ZNF320: variants seen among roughly 807,000 people sequenced by gnomAD.
ZNF320 encodes the protein zinc finger gene 320.
ZNF320 carries 2 observed loss-of-function variants against 6.8 expected under a neutral mutation model. That is an observed-to-expected ratio of 0.29 (90% CI 0.12 to 0.93). The LOEUF (loss-of-function observed/expected upper bound fraction) is 0.93. Ranked by LOEUF, ZNF320 falls within the 40% of genes least tolerant of loss-of-function variation. The probability of loss-of-function intolerance (pLI) is 0.55; values close to 1 mark genes in which losing one functional copy is unlikely to be tolerated. For missense variants in ZNF320, 472 were observed against 611.0 expected (o/e 0.77, Z 2.40); for synonymous variants, 208 against 203.2 (o/e 1.02, Z -0.20).
Position 52,877,898 on chromosome 19 carries a change from AAAAC to A in ZNF320, c.*2694_*2697del, listed in dbSNP as rs1276569836. The stretch of plus-strand genomic sequence containing the variant: ...TCAGAAGACTCCATCTCAAAAAAAC[AAAAC>A]AAACAAAACAGAATTTAAAATACAG... On this transcript the variant is annotated 3_prime_UTR_variant, in exon 6 of 6. Transcript: ENST00000682928. 1 of 152,064 alleles carries A rather than the reference AAAAC, an allele frequency of 6.6e-6. No individual in the cohort carries two copies. The highest frequency in any genetic ancestry group is 1.9e-4 in the East Asian group (1 of 5,196). 9.4% of individuals were successfully genotyped at this position (152,064 alleles called of 1,614,324 possible). A position where few individuals can be genotyped will look rare whatever the true frequency, so the allele number is the denominator to read the frequency against.
chr19:52,892,693 C>T (rs1220991428), intron 2 of ZNF320, among the ~76,000 whole-genome samples: 5 of 152,102 alleles, frequency 3.3e-5, no homozygotes, highest in South Asian at 4.1e-4. Context: ...AGATTTCCAC[C>T]TCTTCTCCCA....
intron 5 of ZNF320, among the ~76,000 whole-genome samples, chr19:52,884,955 T>C (rs1388628676): frequency 6.6e-6 from 1 of 152,090 alleles, no homozygotes; most frequent in Admixed American, 6.6e-5. Flanking sequence ...CCCAGCATTT[T>C]GGGAGGATGA....
chr19:52,899,075 AATAG>A (rs2064552078), upstream of ZNF320, among the ~76,000 whole-genome samples: 1 of 152,126 alleles, frequency 6.6e-6, no homozygotes, highest in Non-Finnish European at 1.5e-5. Flanking sequence ...CTTTTTGTGT[AATAG>A]ATTGATAGTG....
At chr19:52,865,434 T>TTATTTATATATATATATATA (rs1555814107) in intron 5 of ZNF320, 4 of 152,784 alleles carry the variant, frequency 2.6e-5, no homozygotes, top group African/African-American at 1.3e-4. Context: ...GGTCCAGGCT[T>TTATTTATATATATATATATA]TATATATATA....
At chr19:52,860,058 G>A (rs913458052), downstream of ZNF320, among the ~76,000 whole-genome samples, 4 of 151,784 alleles carry the variant, frequency 2.6e-5, no homozygotes, top group African/African-American at 9.7e-5. Context: ...GACTACAGGC[G>A]CCCGCCACCA....
rs573384644 is a variant in ZNF320, at chr19:52,881,375, C to T, written c.751G>A (p.Gly251Ser). Residue 251 changes from glycine to serine, a missense_variant, in exon 6 of 6, where the codon GGC becomes AGC. By Grantham distance (56) the Gly-to-Ser change is moderately conservative. Transcript: ENST00000682928. Reference protein sequence around the residue: ...GEKPYKCNECGKTFSQTSHLV... With the variant: ...GEKPYKCNECSKTFSQTSHLV... ...TGTGATGTCTGACTAAAGGTCTTGC[C>T]ACACTCATTACACTTATAAGGTTTC... The T allele has an allele frequency of 1.2e-6, 2 of 1,614,000 alleles. No individual in the cohort carries two copies. The highest frequency in any genetic ancestry group is 2.2e-5 in the South Asian group (2 of 91,072).
chr19:52,862,896 T>C (rs776639932), exon 6 of ZNF320: 50 of 285,176 alleles, frequency 1.8e-4, no homozygotes, highest in Non-Finnish European at 3.4e-4. Context: ...TAGCTGGGTA[T>C]GGTGGATTCC....
chr19:52,859,593 A>G (rs1204876353), downstream of ZNF320, among the ~76,000 whole-genome samples: 1 of 152,192 alleles, frequency 6.6e-6, no homozygotes, highest in Non-Finnish European at 1.5e-5. Context: ...TAGAGATGTT[A>G]AGGTTTCACA....
At chr19:52,903,652 A>T in the ZNF320 span, among the ~76,000 whole-genome samples, 4 of 151,460 alleles carry the variant, frequency 2.6e-5, no homozygotes, top group Non-Finnish European at 5.9e-5. Context: ...TCTTTCTTGA[A>T]ATTCTTTAAC....
At chr19:52,859,543 G>A (rs1568688493), downstream of ZNF320, among the ~76,000 whole-genome samples, 1 of 152,164 alleles carries the variant, frequency 6.6e-6, no homozygotes, top group Non-Finnish European at 1.5e-5. Flanking sequence ...TAGCCATCTG[G>A]AAACATCAAC....
At position 52,881,026 on chromosome 19, in the gene ZNF320, C is replaced by T. The variant is rs749299449; in HGVS notation, c.1100G>A (p.Arg367Gln). The T allele has an allele frequency of 8.7e-6, 14 of 1,613,404 alleles. No homozygotes were observed. Among genetic ancestry groups the T allele is most frequent in the Admixed American group, 6.7e-5 (4 of 59,944 alleles). Residue 367 changes from arginine (R) to glutamine (Q), a missense_variant, in exon 6 of 6, where the codon CGG becomes CAG. By Grantham distance (43) the Arg-to-Gln change is conservative (BLOSUM62 1). Transcript: ENST00000682928. ...YKCKVCDKAF[R>Q]SDSRLAEHQR... ...ATGTTCTGCAAGACGTGAATCACTCCGGAAAGCCTTGTCACAAACCTTACA... is the reference window on the plus strand; with the variant it reads ...ATGTTCTGCAAGACGTGAATCACTCTGGAAAGCCTTGTCACAAACCTTACA...
At position 52,890,224 on chromosome 19, in the gene ZNF320, C is replaced by T. The variant is rs765388372; in HGVS notation, c.15+17G>A. The T allele has an allele frequency of 5.0e-6, 8 of 1,606,828 alleles. No individual in the cohort carries two copies. The highest frequency in any genetic ancestry group is 2.2e-5 in the East Asian group (1 of 44,868). ...AAAGGAAGGAGACAGAACAATCCAC[C>T]GAGAATATCATCTCACCTGAGAAAG... is the stretch of plus-strand genomic sequence containing the variant. On this transcript the variant is annotated intron_variant, in intron 4 of 5. Transcript: ENST00000682928.
At chr19:52,864,011 T>A (rs768705051) in exon 6 of ZNF320, 2 of 482,434 alleles carry the variant, frequency 4.1e-6, no homozygotes, top group Non-Finnish European at 8.0e-6. Flanking sequence ...ATTCTTCATG[T>A]CTGGAGGAAC....
At chr19:52,872,612 C>T (rs192971429), downstream of ZNF320, among the ~76,000 whole-genome samples, 13 of 152,318 alleles carry the variant, frequency 8.5e-5, no homozygotes, top group Non-Finnish European at 1.3e-4. Flanking sequence ...TGCCATTCTC[C>T]TGCCTCAGCC....
intron 5 of ZNF320, among the ~76,000 whole-genome samples, chr19:52,868,235 A>G (rs8105117): frequency 0.51 from 77,162 of 152,000 alleles, 20,018 homozygotes; most frequent in African/African-American, 0.59. Context: ...ATCCAGGCGC[A>G]GTGGCTCACG....
intron 1 of ZNF320, among the ~76,000 whole-genome samples, chr19:52,897,235 T>G (rs554380312): frequency 6.6e-6 from 1 of 151,808 alleles, no homozygotes; most frequent in African/African-American, 2.4e-5. Flanking sequence ...AGGGGTGGCG[T>G]CTGCAGGATC....
At chr19:52,900,923 TAAC>T (rs2064569385), upstream of ZNF320, among the ~76,000 whole-genome samples, 1 of 149,766 alleles carries the variant, frequency 6.7e-6, no homozygotes. Context: ...TTTTTTTTTT[TAAC>T]TGTGTAACTT....
At chr19:52,892,247 T>C (rs1226387242) in intron 2 of ZNF320, 2 of 151,990 alleles carry the variant, frequency 1.3e-5, no homozygotes, top group African/African-American at 4.8e-5. Context: ...ATGGTTGTAA[T>C]CCCAGCTACT....
At position 52,867,635 on chromosome 19, in the gene ZNF320, G is replaced by C. The variant is rs190585030; in HGVS notation, c.224-3476C>G. ...TTTTTCTTTCTTTATTTTTGAGAAA[G>C]AGTTTCACTCTTGTTGCCCCTGCTA... On this transcript the variant is annotated intron_variant, in intron 5 of 5. Coordinates refer to the ZNF320 transcript ENST00000673631. 5.3e-3 allele frequency among the ~76,000 whole-genome samples: 808 copies of C among 151,798 alleles called. 8 individuals are homozygous for C. Among genetic ancestry groups the C allele is most frequent in the African/African-American group, 0.017 (688 of 41,410 alleles).
Sources: gnomAD v4.1 joint callset for allele counts (sites outside exome capture counted in the v4.1 genomes callset) on GRCh38, gnomAD v4.1.1 for gene constraint, MANE v1.5 for transcripts, NCBI Gene and HGNC (gene_info 2026-07-23, HGNC 2026-07-21) for gene names.